Variants in PTPRQ observed in about 807,000 individuals in gnomAD.
PTPRQ encodes phosphatidylinositol phosphatase PTPRQ.
Under a neutral mutation model 246.0 loss-of-function variants are expected in PTPRQ, and 199 were observed. The observed-to-expected ratio is 0.81, with a 90% CI of 0.72 to 0.91. PTPRQ has a LOEUF of 0.91. PTPRQ is among the 40% of genes least tolerant of loss of function. PTPRQ has a pLI of 0.00. For synonymous variants in PTPRQ, 869 were observed against 853.2 expected (o/e 1.02, Z -0.32); for missense variants, 2,624 against 2,528.4 (o/e 1.04, Z -0.81).
At chr12:80,476,068 A>G (rs1162812011) in intron 8 of PTPRQ, among the ~76,000 whole-genome samples, 1 of 150,492 alleles carries the variant, frequency 6.6e-6, no homozygotes, top group Non-Finnish European at 1.5e-5. Context: ...TTCAGTTGAG[A>G]TTCTACATCA....
intron 26 of PTPRQ, among the ~76,000 whole-genome samples, chr12:80,590,666 CAAAAAAAAAAA>C (rs35640802): frequency 1.7e-5 from 1 of 57,826 alleles, no homozygotes; most frequent in Non-Finnish European, 3.6e-5. Flanking sequence ...GACTCCGTCT[CAAAAAAAAAAA>C]AAAAAAAAAA....
chr12:80,542,986 A>G (rs994697080), intron 23 of PTPRQ, 105 bp downstream of exon 23: 21 of 816,220 alleles, frequency 2.6e-5, no homozygotes, highest in Middle Eastern at 3.8e-4. Context: ...AACAATGACT[A>G]TTTTTTTAAA....
At chr12:80,481,808 C>G (rs1246296791) in intron 8 of PTPRQ, among the ~76,000 whole-genome samples, 1 of 152,020 alleles carries the variant, frequency 6.6e-6, no homozygotes, top group Non-Finnish European at 1.5e-5. Flanking sequence ...CCTAGGAATC[C>G]AACTTACAAG....
intron 14 of PTPRQ, among the ~76,000 whole-genome samples, chr12:80,497,799 A>G (rs1894674378): frequency 6.6e-6 from 1 of 152,118 alleles, no homozygotes; most frequent in Non-Finnish European, 1.5e-5. Context: ...AAAACAATAA[A>G]TATTTACTGA....
chr12:80,673,406 C>CA, intron 43 of PTPRQ, 102 bp downstream of exon 43: 3 of 1,453,770 alleles, frequency 2.1e-6, no homozygotes, highest in Middle Eastern at 1.8e-4. Context: ...AAGCTGTGGA[C>CA]ACCTTCTTTT....
chr12:80,549,791 TCAATAC>T, intron 25 of PTPRQ, 57 bp downstream of exon 25: 1 of 1,477,996 alleles, frequency 6.8e-7, no homozygotes, highest in Admixed American at 2.5e-5. Flanking sequence ...GGGGATTGTG[TCAATAC>T]CACCTGCAAT....
At chr12:80,589,369 A>G (rs1897717361) in intron 26 of PTPRQ, among the ~76,000 whole-genome samples, 1 of 152,208 alleles carries the variant, frequency 6.6e-6, no homozygotes, top group Non-Finnish European at 1.5e-5. Flanking sequence ...CACCCATCCC[A>G]TATAAATCCT....
chr12:80,605,117 C>T lies in PTPRQ; in HGVS notation c.4668C>T (p.Ser1556=). The change falls in exon 27 of 45, where the codon AGC becomes AGT. Residue 1556 remains serine, a synonymous_variant. Transcript: ENST00000644991. ...TAGCAACATCACCTTTTAGCATCAG[C>T]ATAAGCTGGAGTGAACCTGCTGTCA... The part of the protein sequence containing the change: ...HVVATSPFSI[S]ISWSEPAVIT... 1 of 1,545,640 alleles carries T rather than the reference C, an allele frequency of 6.5e-7. No individual in the cohort carries two copies.
chr12:80,483,527 A>C (rs1894154197), intron 8 of PTPRQ, among the ~76,000 whole-genome samples: 1 of 152,028 alleles, frequency 6.6e-6, no homozygotes, highest in Non-Finnish European at 1.5e-5. Context: ...AAAGTATAAT[A>C]ATAAAAGAAA....
intron 19 of PTPRQ, among the ~76,000 whole-genome samples, chr12:80,536,497 T>C (rs534456230): frequency 6.6e-6 from 1 of 152,336 alleles, no homozygotes; most frequent in African/African-American, 2.4e-5. Context: ...AGTAGGGTTG[T>C]ATAAGTCTGT....
intron 18 of PTPRQ, 40 bp downstream of exon 18, chr12:80,534,215 T>G: frequency 7.0e-7 from 1 of 1,430,676 alleles, no homozygotes; most frequent in Non-Finnish European, 9.2e-7. Context: ...AATGTTCTTT[T>G]TCTTTAAAAA....
At chr12:80,444,950 A>G in intron 2 of PTPRQ, 101 bp downstream of exon 2, 1 of 1,323,644 alleles carries the variant, frequency 7.6e-7, no homozygotes, top group Non-Finnish European at 9.9e-7. Flanking sequence ...CATTAAATTC[A>G]TGAAAACAGT....
At chr12:80,505,517 AACT>A (rs1894928424) in intron 14 of PTPRQ, among the ~76,000 whole-genome samples, 1 of 151,866 alleles carries the variant, frequency 6.6e-6, no homozygotes, top group African/African-American at 2.4e-5. Context: ...AGATACAGAA[AACT>A]AGTGTTTTAC....
chr12:80,614,202 A>G (rs1404347318), intron 29 of PTPRQ, among the ~76,000 whole-genome samples: 1 of 150,852 alleles, frequency 6.6e-6, no homozygotes, highest in African/African-American at 2.4e-5. Context: ...TTTTAAGGAC[A>G]AAAGACAGAA....
chr12:80,493,432 C>T lies in PTPRQ; in HGVS notation c.1517C>T (p.Ala506Val), dbSNP rs1013963439. Residue 506 changes from alanine to valine, a missense_variant, in exon 10 of 45, where the codon GCT (alanine) becomes GTT (valine). Ala to Val is a moderately conservative substitution (Grantham distance 64). Transcript: ENST00000644991. ...PDKNFPARNR[A>V]EDQTSPVVTT... ...AAAAACTTTCCTGCAAGGAATAGAG[C>T]TGAAGACCAGACTTCACCAGTTGGT... 6.5e-7 allele frequency: 1 copy of T among 1,548,426 alleles called. No homozygotes were observed.
At position 80,588,318 on chromosome 12, in the gene PTPRQ, A is replaced by G. The variant is rs61729263; in HGVS notation, c.4475A>G (p.Tyr1492Cys). The stretch of plus-strand genomic sequence containing the variant: ...GAATATCAAAAAATTCAATACCTCT[A>G]TGAAGCTCACTTAACTGAAGAGACA... ...CVEYQKIQYL[Y>C]EAHLTEETVY... Residue 1492 changes from tyrosine (Y) to cysteine (C), a missense_variant, in exon 26 of 45, where the codon TAT becomes TGT. Tyr to Cys is a radical substitution (Grantham distance 194). Transcript: ENST00000644991. The G allele has an allele frequency of 0.014, 22,428 of 1,551,594 alleles. 227 individuals carry two copies. Among genetic ancestry groups the G allele is most frequent in the Middle Eastern group, 0.027 (164 of 5,990 alleles).
At chr12:80,658,280 G>A (rs1003199826) in intron 39 of PTPRQ, among the ~76,000 whole-genome samples, 2 of 151,900 alleles carry the variant, frequency 1.3e-5, no homozygotes, top group Admixed American at 6.6e-5. Context: ...ACCAGTGCGC[G>A]GCAGATGTTC....
intron 33 of PTPRQ, among the ~76,000 whole-genome samples, chr12:80,625,047 A>C (rs529767919): frequency 6.6e-6 from 1 of 152,324 alleles, no homozygotes; most frequent in East Asian, 1.9e-4. Context: ...TAGTAAAAGA[A>C]CATTGCCAGG....
chr12:80,480,603 T>A (rs1894007546), intron 8 of PTPRQ, among the ~76,000 whole-genome samples: 1 of 149,864 alleles, frequency 6.7e-6, no homozygotes, highest in African/African-American at 2.5e-5. Flanking sequence ...TTTGAAAGGA[T>A]CAACAAAATA....
Sources: allele counts gnomAD v4.1 joint callset (sites outside exome capture counted in the v4.1 genomes callset), GRCh38; gene constraint gnomAD v4.1.1; transcripts MANE v1.5; gene names NCBI Gene and HGNC (gene_info 2026-07-23, HGNC 2026-07-21).